The following ATG5 variants were observed in gnomAD, a reference collection of about 807,000 sequenced individuals.
ATG5 encodes autophagy related 5, also known as autophagy protein 5.
A neutral mutation model predicts 36.5 loss-of-function variants in ATG5; 14 were observed. The ratio of observed to expected loss-of-function variants is 0.38; its 90% confidence interval spans 0.25 to 0.60. The LOEUF is 0.60. ATG5 is among the 20% of genes least tolerant of loss of function. The pLI is 0.60. For missense variants in ATG5, 195 were observed against 326.7 expected, an observed-to-expected ratio of 0.60 and a Z score of 3.11; for synonymous variants, 95 against 101.5, an observed-to-expected ratio of 0.94 and a Z score of 0.38.
chr6:106,297,786 T>C (rs1770024605), intron 3 of ATG5, among the ~76,000 whole-genome samples: 1 of 148,364 alleles, frequency 6.7e-6, no homozygotes. Context: ...TAAAGTTCAT[T>C]GGGGCTGGGC....
intron 5 of ATG5, among the ~76,000 whole-genome samples, chr6:106,256,960 CTT>C (rs1481417508): frequency 2.6e-5 from 4 of 152,176 alleles, no homozygotes; most frequent in African/African-American, 9.7e-5. Context: ...TGTAATAACA[CTT>C]AGCTTAAAAC....
At chr6:106,231,241 C>T (rs1777677406) in intron 6 of ATG5, among the ~76,000 whole-genome samples, 1 of 152,180 alleles carries the variant, frequency 6.6e-6, no homozygotes, top group South Asian at 2.1e-4. Flanking sequence ...TGATGTTTTA[C>T]AAGGTTTAGG....
At chr6:106,302,116 AC>A (rs761254938) in intron 3 of ATG5, among the ~76,000 whole-genome samples, 35 of 152,092 alleles carry the variant, frequency 2.3e-4, no homozygotes, top group Non-Finnish European at 4.7e-4. Flanking sequence ...AAAAAGAACC[AC>A]AAAAAAGGTC....
At chr6:106,212,639 G>T (rs1257846105) in intron 6 of ATG5, among the ~76,000 whole-genome samples, 1 of 152,098 alleles carries the variant, frequency 6.6e-6, no homozygotes, top group Non-Finnish European at 1.5e-5. Flanking sequence ...GCGAGACTCC[G>T]TATATTAAAC....
chr6:106,188,578 T>C (rs549023274), intron 7 of ATG5, among the ~76,000 whole-genome samples: 1 of 152,300 alleles, frequency 6.6e-6, no homozygotes, highest in East Asian at 1.9e-4. Flanking sequence ...ACAGTGTATC[T>C]GAAAGGCAAA....
At chr6:106,299,938 T>C (rs555753029) in intron 3 of ATG5, among the ~76,000 whole-genome samples, 2 of 152,340 alleles carry the variant, frequency 1.3e-5, no homozygotes, top group East Asian at 3.9e-4. Context: ...ACTGCAAGCA[T>C]GTAACTACAA....
At chr6:106,295,327 A>T (rs1224421046) in intron 3 of ATG5, among the ~76,000 whole-genome samples, 2 of 152,204 alleles carry the variant, frequency 1.3e-5, no homozygotes, top group Non-Finnish European at 2.9e-5. Flanking sequence ...TAACATTTCA[A>T]AAGTGACACC....
intron 1 of ATG5, among the ~76,000 whole-genome samples, chr6:106,320,061 GAT>G (rs1231287222): frequency 6.6e-6 from 1 of 152,232 alleles, no homozygotes; most frequent in Non-Finnish European, 1.5e-5. Context: ...TTTTACAAAT[GAT>G]AAATTTGAGA....
intron 3 of ATG5, among the ~76,000 whole-genome samples, chr6:106,299,243 ATACTT>A (rs1770107788): frequency 6.6e-6 from 1 of 152,214 alleles, no homozygotes; most frequent in Admixed American, 6.5e-5. Flanking sequence ...ATTCTCCCGT[ATACTT>A]TAAATTATTG....
intron 6 of ATG5, among the ~76,000 whole-genome samples, chr6:106,231,950 C>A (rs1018178401): frequency 1.3e-5 from 2 of 152,124 alleles, no homozygotes; most frequent in African/African-American, 2.4e-5. Context: ...GCTTCCAGTG[C>A]GGTCTACAAG....
chr6:106,200,070 CCTCT>C (rs1562206601), intron 7 of ATG5, among the ~76,000 whole-genome samples: 1 of 152,092 alleles, frequency 6.6e-6, no homozygotes, highest in South Asian at 2.1e-4. Context: ...TCCTAATGAA[CCTCT>C]GTTCATTTTT....
intron 6 of ATG5, among the ~76,000 whole-genome samples, chr6:106,228,330 T>C (rs1425639437): frequency 1.3e-5 from 2 of 152,182 alleles, no homozygotes; most frequent in East Asian, 3.8e-4. Flanking sequence ...AGGGTGTCCG[T>C]TGTGCTCCTG....
intron 5 of ATG5, among the ~76,000 whole-genome samples, chr6:106,251,699 GAA>G (rs991653516): frequency 4.8e-5 from 5 of 104,100 alleles, no homozygotes; most frequent in African/African-American, 1.8e-4. Flanking sequence ...GACAGAAAAA[GAA>G]AGAGAAAAAG....
chr6:106,229,079 T>G (rs1203779210), intron 6 of ATG5, among the ~76,000 whole-genome samples: 1 of 152,250 alleles, frequency 6.6e-6, no homozygotes, highest in Non-Finnish European at 1.5e-5. Context: ...ACGACTTTCT[T>G]GAAAGTGTAG....
At chr6:106,200,819 GA>G (rs932121589) in intron 7 of ATG5, among the ~76,000 whole-genome samples, 2 of 152,102 alleles carry the variant, frequency 1.3e-5, no homozygotes, top group Admixed American at 1.3e-4. Flanking sequence ...ATATGCCACT[GA>G]AAATTTCCCC....
chr6:106,209,138 A>G (rs1776757605), intron 6 of ATG5, among the ~76,000 whole-genome samples: 1 of 152,244 alleles, frequency 6.6e-6, no homozygotes, highest in African/African-American at 2.4e-5. Flanking sequence ...ACAAAACTAA[A>G]CATGCACTTA....
chr6:106,296,374 A>G (rs1001482457), intron 3 of ATG5, among the ~76,000 whole-genome samples: 5 of 151,922 alleles, frequency 3.3e-5, no homozygotes, highest in African/African-American at 1.2e-4. Context: ...TTATTTCATC[A>G]TTATTTGTCA....
At chr6:106,272,736 C>T (rs1031963897) in intron 5 of ATG5, among the ~76,000 whole-genome samples, 3 of 152,228 alleles carry the variant, frequency 2.0e-5, no homozygotes, top group Admixed American at 1.3e-4. Flanking sequence ...GGTTCTTATA[C>T]TGGCTAGCTA....
At chr6:106,187,158 CTTTAG>C (rs1562199150) in intron 7 of ATG5, among the ~76,000 whole-genome samples, 1 of 152,104 alleles carries the variant, frequency 6.6e-6, no homozygotes, top group East Asian at 1.9e-4. Flanking sequence ...CACAGGTGAG[CTTTAG>C]TTGTTTTCAG....
Sources: gnomAD v4.1 joint callset for allele counts (sites outside exome capture counted in the v4.1 genomes callset) on GRCh38, gnomAD v4.1.1 for gene constraint, MANE v1.5 for transcripts, NCBI Gene and HGNC (gene_info 2026-07-23, HGNC 2026-07-21) for gene names.